The following ARHGAP44 variants were observed in gnomAD, a reference collection of about 807,000 sequenced individuals.
ARHGAP44 encodes Rho GTPase activating protein 44, also known as rho GTPase-activating protein 44.
In ARHGAP44, 43 loss-of-function variants were observed where a neutral mutation model predicts 106.8. The observed-to-expected ratio is 0.40, with a 90% CI of 0.32 to 0.52. The LOEUF is 0.52. Among genes scored for constraint, ARHGAP44 ranks in the 20% least tolerant of loss-of-function variants. The pLI is 0.48. For synonymous variants in ARHGAP44, 439 were observed against 410.3 expected (o/e 1.07, Z -0.85); for missense variants, 866 against 1,050.5 (o/e 0.82, Z 2.43).
chr17:12,978,035 T>TAAAAAAAAAAAAAAAAA (rs757585682), intron 18 of ARHGAP44, among the ~76,000 whole-genome samples: 2,516 of 55,332 alleles, frequency 0.045, 522 homozygotes, highest in East Asian at 0.18. Context: ...AGACTCCATC[T>TAAAAAAAAAAAAAAAAA]CAAAAAAAAA....
chr17:12,983,659 C>G (rs2143437782), intron 19 of ARHGAP44, among the ~76,000 whole-genome samples: 1 of 152,108 alleles, frequency 6.6e-6, no homozygotes, highest in East Asian at 1.9e-4. Flanking sequence ...ACAAAATTAG[C>G]CAGGCGTGGT....
At chr17:12,894,328 C>T (rs1450086458) in intron 1 of ARHGAP44, among the ~76,000 whole-genome samples, 1 of 107,876 alleles carries the variant, frequency 9.3e-6, no homozygotes, top group Admixed American at 9.4e-5. Flanking sequence ...AGAGAGAGAG[C>T]GTTAAATCAG....
At chr17:12,832,056 A>C (rs2035104863) in intron 1 of ARHGAP44, among the ~76,000 whole-genome samples, 1 of 152,198 alleles carries the variant, frequency 6.6e-6, no homozygotes, top group Admixed American at 6.5e-5. Flanking sequence ...CTCTTTGCCC[A>C]CTGCCCAGAA....
intron 1 of ARHGAP44, among the ~76,000 whole-genome samples, chr17:12,797,163 A>G (rs993535323): frequency 4.6e-5 from 7 of 151,940 alleles, no homozygotes; most frequent in Non-Finnish European, 1.0e-4. Context: ...TCTTAAGTCT[A>G]TCTATTTGTG....
chr17:12,804,172 C>T (rs3785735), intron 1 of ARHGAP44, among the ~76,000 whole-genome samples: 45,043 of 151,954 alleles, frequency 0.3, 8,670 homozygotes, highest in African/African-American at 0.55. Flanking sequence ...GGTGATTTGC[C>T]TCCACGTTCA....
At chr17:12,874,799 A>G (rs1051732695) in intron 1 of ARHGAP44, among the ~76,000 whole-genome samples, 6 of 147,098 alleles carry the variant, frequency 4.1e-5, no homozygotes, top group Non-Finnish European at 7.7e-5. Flanking sequence ...AAGCAAGTGC[A>G]GGATACTTGC....
chr17:12,928,886 G>GCT, intron 6 of ARHGAP44, 43 bp from the exon 7 acceptor site: 1 of 1,535,970 alleles, frequency 6.5e-7, no homozygotes, highest in Non-Finnish European at 8.9e-7. Flanking sequence ...GATCCCCAGG[G>GCT]CTCTACCTGT....
At chr17:12,849,460 T>C (rs533509708) in intron 1 of ARHGAP44, among the ~76,000 whole-genome samples, 2 of 152,194 alleles carry the variant, frequency 1.3e-5, no homozygotes, top group East Asian at 3.9e-4. Flanking sequence ...CTTGTTCACC[T>C]GAATCCGATT....
chr17:12,885,900 G>A (rs2036867902), intron 1 of ARHGAP44, among the ~76,000 whole-genome samples: 1 of 151,962 alleles, frequency 6.6e-6, no homozygotes, highest in Non-Finnish European at 1.5e-5. Flanking sequence ...ATGAATCATG[G>A]TTTTGATGTT....
chr17:12,811,101 A>G (rs2150779496), intron 1 of ARHGAP44, among the ~76,000 whole-genome samples: 1 of 152,206 alleles, frequency 6.6e-6, no homozygotes, highest in Non-Finnish European at 1.5e-5. Flanking sequence ...TCACGAGGTC[A>G]GGAGATCGAG....
chr17:12,871,934 G>A (rs189823212), intron 1 of ARHGAP44, among the ~76,000 whole-genome samples: 196 of 152,258 alleles, frequency 1.3e-3, no homozygotes, highest in African/African-American at 4.4e-3. Context: ...AGAACTGCAA[G>A]CCAATTAAAC....
intron 1 of ARHGAP44, among the ~76,000 whole-genome samples, chr17:12,877,587 A>G (rs1436602456): frequency 1.3e-5 from 2 of 152,188 alleles, no homozygotes; most frequent in Non-Finnish European, 2.9e-5. Flanking sequence ...CGTCTCTACT[A>G]AAAATACAAA....
chr17:12,946,541 C>G (rs943319098), intron 10 of ARHGAP44, among the ~76,000 whole-genome samples: 1 of 150,788 alleles, frequency 6.6e-6, no homozygotes, highest in East Asian at 2.0e-4. Flanking sequence ...GCTCACACCT[C>G]TAATCCCAAC....
intron 9 of ARHGAP44, 82 bp from the exon 10 acceptor site, chr17:12,943,987 C>G: frequency 1.4e-6 from 2 of 1,457,582 alleles, no homozygotes; most frequent in Non-Finnish European, 1.8e-6. Flanking sequence ...TTAGGAGAAT[C>G]TGGACAACAA....
chr17:12,901,865 G>A (rs1016052392), intron 3 of ARHGAP44, among the ~76,000 whole-genome samples: 10 of 151,954 alleles, frequency 6.6e-5, no homozygotes, highest in African/African-American at 4.8e-5. Flanking sequence ...TTCCATACCC[G>A]CCATGTCCAG....
At chr17:12,916,153 C>G in intron 5 of ARHGAP44, 142 bp downstream of exon 5, 1 of 682,224 alleles carries the variant, frequency 1.5e-6, no homozygotes, top group African/African-American at 1.8e-5. Context: ...TCTTACCTAA[C>G]CACATGGTCA....
At chr17:12,947,842 C>A (rs749573968) in intron 10 of ARHGAP44, among the ~76,000 whole-genome samples, 2 of 152,220 alleles carry the variant, frequency 1.3e-5, no homozygotes, top group Non-Finnish European at 2.9e-5. Context: ...CTCATCCAAA[C>A]ATGTTCATGT....
chr17:12,941,242 AT>A, intron 8 of ARHGAP44, 118 bp downstream of exon 8: 1 of 848,654 alleles, frequency 1.2e-6, no homozygotes, highest in Non-Finnish European at 1.8e-6. Flanking sequence ...AGCTTTGACC[AT>A]TTTACTAGTG....
chr17:12,925,158 C>T (rs529679711), intron 6 of ARHGAP44, among the ~76,000 whole-genome samples: 1 of 152,252 alleles, frequency 6.6e-6, no homozygotes, highest in South Asian at 2.1e-4. Flanking sequence ...TCATGTCTCC[C>T]CACTATGAGC....
Sources: gnomAD v4.1 joint callset for allele counts (sites outside exome capture counted in the v4.1 genomes callset) on GRCh38, gnomAD v4.1.1 for gene constraint, MANE v1.5 for transcripts, NCBI Gene and HGNC (gene_info 2026-07-23, HGNC 2026-07-21) for gene names.